The following GBE1 variants were observed in gnomAD, a reference collection of about 807,000 sequenced individuals.
GBE1 encodes 1,4-alpha-glucan-branching enzyme.
In GBE1, 70 loss-of-function variants were observed where a neutral mutation model predicts 88.8. The ratio of observed to expected loss-of-function variants is 0.79; its 90% CI spans 0.65 to 0.96. The LOEUF (loss-of-function observed/expected upper bound fraction) is 0.96. Ranked by LOEUF, GBE1 falls within the 40% of genes least tolerant of loss-of-function variation. The probability of loss-of-function intolerance (pLI) is 0.00; values close to 1 mark genes in which losing one functional copy is unlikely to be tolerated. For synonymous variants in GBE1, 284 were observed against 300.1 expected, an observed-to-expected ratio of 0.95 and a Z score of 0.56; for missense variants, 872 against 871.0, an observed-to-expected ratio of 1.00 and a Z score of -0.01.
At chr3:81,566,759 C>A (rs987118313) in intron 12 of GBE1, among the ~76,000 whole-genome samples, 1 of 152,054 alleles carries the variant, frequency 6.6e-6, no homozygotes, top group Non-Finnish European at 1.5e-5. Flanking sequence ...TACAACCAAC[C>A]TTCACCTGTA....
At chr3:81,588,951 A>G (rs1251291719) in intron 9 of GBE1, among the ~76,000 whole-genome samples, 2 of 152,104 alleles carry the variant, frequency 1.3e-5, no homozygotes, top group African/African-American at 2.4e-5. Context: ...TGACTTCTAG[A>G]AAGTTGCCTC....
intron 12 of GBE1, among the ~76,000 whole-genome samples, chr3:81,574,005 G>A (rs1703611362): frequency 2.0e-5 from 3 of 152,132 alleles, no homozygotes; most frequent in Admixed American, 1.3e-4. Context: ...AGCTAAGGCT[G>A]TTTCAGCAGC....
chr3:81,757,484 G>A (rs1419900068), intron 1 of GBE1, among the ~76,000 whole-genome samples: 2 of 152,156 alleles, frequency 1.3e-5, no homozygotes, highest in Non-Finnish European at 2.9e-5. Flanking sequence ...ACAGCTATGA[G>A]GTTGTTTCTG....
intron 8 of GBE1, 81 bp downstream of exon 8, chr3:81,593,827 A>T (rs1050437481): frequency 4.0e-5 from 27 of 676,832 alleles, no homozygotes; most frequent in Middle Eastern, 2.3e-4. Flanking sequence ...ATGTAATGGA[A>T]CTAATAAAAA....
At chr3:81,501,020 G>C (rs1702579136) in intron 14 of GBE1, among the ~76,000 whole-genome samples, 1 of 151,998 alleles carries the variant, frequency 6.6e-6, no homozygotes, top group Non-Finnish European at 1.5e-5. Flanking sequence ...CTTATTACCT[G>C]GGTGACAAAA....
chr3:81,727,310 C>G (rs1283458119), intron 1 of GBE1, among the ~76,000 whole-genome samples: 2 of 152,102 alleles, frequency 1.3e-5, no homozygotes. Flanking sequence ...AAAAGAGTCA[C>G]AAATTACTAA....
chr3:81,716,785 C>T (rs1184058128), intron 1 of GBE1, among the ~76,000 whole-genome samples: 2 of 152,118 alleles, frequency 1.3e-5, no homozygotes, highest in African/African-American at 2.4e-5. Flanking sequence ...TGCCTTGTCT[C>T]TTGGTTGCAA....
At chr3:81,608,283 T>G (rs967146735) in intron 7 of GBE1, among the ~76,000 whole-genome samples, 1 of 152,216 alleles carries the variant, frequency 6.6e-6, no homozygotes. Context: ...GTCAGTACTT[T>G]GCACAAGGAA....
At chr3:81,606,617 G>A (rs1171888385) in intron 7 of GBE1, among the ~76,000 whole-genome samples, 1 of 152,168 alleles carries the variant, frequency 6.6e-6, no homozygotes. Context: ...GCACAGACAA[G>A]CTCATTTCAG....
chr3:81,692,313 G>C (rs1705531871), intron 2 of GBE1, among the ~76,000 whole-genome samples: 1 of 152,080 alleles, frequency 6.6e-6, no homozygotes, highest in Admixed American at 6.5e-5. Flanking sequence ...TTGCAATTTG[G>C]CCAACTAATG....
At chr3:81,714,788 G>C (rs1049702782) in intron 1 of GBE1, among the ~76,000 whole-genome samples, 2 of 152,192 alleles carry the variant, frequency 1.3e-5, no homozygotes, top group Non-Finnish European at 2.9e-5. Flanking sequence ...CCAAGACTGA[G>C]AACCAGCAGA....
chr3:81,717,670 A>G (rs895492685), intron 1 of GBE1, among the ~76,000 whole-genome samples: 1 of 152,134 alleles, frequency 6.6e-6, no homozygotes, highest in African/African-American at 2.4e-5. Context: ...TGAATATCCA[A>G]AGTTTTAGGT....
chr3:81,515,042 C>T (rs1702778808), intron 14 of GBE1, among the ~76,000 whole-genome samples: 1 of 151,196 alleles, frequency 6.6e-6, no homozygotes, highest in South Asian at 2.1e-4. Flanking sequence ...TTAAGTAAAG[C>T]CTAACTTTAA....
chr3:81,720,364 A>G (rs866954833), intron 1 of GBE1, among the ~76,000 whole-genome samples: 364 of 146,488 alleles, frequency 2.5e-3, no homozygotes, highest in Non-Finnish European at 3.1e-3. Context: ...GTGTGTGTGT[A>G]TATATATATA....
intron 11 of GBE1, 24 bp from the exon 12 acceptor site, chr3:81,578,120 A>G (rs1190065511): frequency 3.3e-6 from 5 of 1,537,234 alleles, no homozygotes; most frequent in Non-Finnish European, 4.4e-6. Flanking sequence ...AGTAATGGAG[A>G]TAAATGAAAA....
chr3:81,539,130 A>T (rs760365194), intron 12 of GBE1, among the ~76,000 whole-genome samples: 7 of 152,172 alleles, frequency 4.6e-5, no homozygotes, highest in African/African-American at 1.7e-4. Context: ...AGGCACAAAG[A>T]TGTTACACAG....
intron 1 of GBE1, chr3:81,743,464 A>C: frequency 1.3e-6 from 1 of 790,368 alleles, no homozygotes; most frequent in South Asian, 1.5e-5. Context: ...TATTATCACT[A>C]GTTTTAAGTT....
chr3:81,499,480 C>G (rs1247355800), intron 14 of GBE1, among the ~76,000 whole-genome samples: 1 of 152,138 alleles, frequency 6.6e-6, no homozygotes, highest in African/African-American at 2.4e-5. Flanking sequence ...CGAAACATAC[C>G]TAATCTACTT....
At chr3:81,700,761 C>G (rs986690345) in intron 2 of GBE1, among the ~76,000 whole-genome samples, 1 of 152,150 alleles carries the variant, frequency 6.6e-6, no homozygotes, top group South Asian at 2.1e-4. Context: ...CTTTCCCACT[C>G]TGCAAAAATA....
Sources: gnomAD v4.1 joint callset for allele counts (sites outside exome capture counted in the v4.1 genomes callset) on GRCh38, gnomAD v4.1.1 for gene constraint, MANE v1.5 for transcripts, NCBI Gene and HGNC (gene_info 2026-07-23, HGNC 2026-07-21) for gene names.